KIAA1671: variants seen among roughly 807,000 people sequenced by gnomAD.
KIAA1671 encodes uncharacterized protein KIAA1671.
KIAA1671 carries 52 observed loss-of-function variants against 131.2 expected under a neutral mutation model. That is an observed-to-expected ratio of 0.40 (90% CI 0.32 to 0.50). The LOEUF (loss-of-function observed/expected upper bound fraction) is 0.50, where lower values mean the gene tolerates loss of function less well. Among genes scored for constraint, KIAA1671 ranks in the 20% least tolerant of loss-of-function variants. KIAA1671 has a pLI of 0.73. For missense variants in KIAA1671, 2,360 were observed against 2,364.2 expected, an observed-to-expected ratio of 1.00 and a Z score of 0.04; for synonymous variants, 1,003 against 961.6, an observed-to-expected ratio of 1.04 and a Z score of -0.80.
intron 6 of KIAA1671, among the ~76,000 whole-genome samples, chr22:25,153,373 T>C (rs1431179724): frequency 2.6e-5 from 4 of 152,214 alleles, no homozygotes; most frequent in Non-Finnish European, 5.9e-5. Flanking sequence ...AATGGGGTGC[T>C]ACTGACATTG....
chr22:25,166,679 A>C (rs1408517391), intron 6 of KIAA1671, among the ~76,000 whole-genome samples: 1 of 152,196 alleles, frequency 6.6e-6, no homozygotes, highest in African/African-American at 2.4e-5. Context: ...TGTGCCAGGC[A>C]GTGAGCTTAA....
intron 6 of KIAA1671, among the ~76,000 whole-genome samples, chr22:25,069,213 A>G (rs1012762673): frequency 7.9e-5 from 12 of 152,182 alleles, no homozygotes; most frequent in African/African-American, 2.7e-4. Flanking sequence ...AAACTAAACT[A>G]GATGGTTTGG....
At chr22:24,986,841 C>G (rs577270913) in intron 1 of KIAA1671, among the ~76,000 whole-genome samples, 3 of 152,068 alleles carry the variant, frequency 2.0e-5, no homozygotes, top group African/African-American at 7.2e-5. Flanking sequence ...CTTTCAGGCA[C>G]TAGGGAGCAT....
intron 9 of KIAA1671, among the ~76,000 whole-genome samples, chr22:25,177,960 G>A (rs561944825): frequency 2.6e-5 from 4 of 152,232 alleles, no homozygotes; most frequent in East Asian, 3.9e-4. Flanking sequence ...GGATCCTCCC[G>A]TGGTCCCTGG....
intron 6 of KIAA1671, among the ~76,000 whole-genome samples, chr22:25,137,480 T>A (rs1383317726): frequency 6.6e-6 from 1 of 152,246 alleles, no homozygotes; most frequent in East Asian, 1.9e-4. Context: ...TTTCCCTCAG[T>A]TCGGGAGAAT....
intron 6 of KIAA1671, among the ~76,000 whole-genome samples, chr22:25,099,537 GTTTTTTTGTTT>G (rs1930552775): frequency 3.6e-5 from 4 of 112,138 alleles, no homozygotes; most frequent in Admixed American, 9.5e-5. Flanking sequence ...CAAAATGTGG[GTTTTTTTGTTT>G]TTTTTTTTTT....
At chr22:25,032,240 C>G (rs376326623) in intron 3 of KIAA1671, among the ~76,000 whole-genome samples, 4 of 152,322 alleles carry the variant, frequency 2.6e-5, no homozygotes, top group South Asian at 4.1e-4. Context: ...AACGCCCTCA[C>G]GTAGCTATTA....
chr22:25,141,635 A>C (rs1336646963), intron 6 of KIAA1671, among the ~76,000 whole-genome samples: 1 of 152,160 alleles, frequency 6.6e-6, no homozygotes, highest in Non-Finnish European at 1.5e-5. Context: ...TCAGGGGAAA[A>C]AACCCTAATC....
chr22:25,084,732 T>C (rs1485682035), intron 6 of KIAA1671, among the ~76,000 whole-genome samples: 2 of 152,058 alleles, frequency 1.3e-5, no homozygotes, highest in Non-Finnish European at 2.9e-5. Context: ...CCTCGAACAG[T>C]TGAGTGATAG....
Position 25,080,134 on chromosome 22 carries a change from G to T in KIAA1671, c.4530+30770G>T, listed in dbSNP as rs1929329229. Among the ~76,000 whole-genome samples, 2 of 152,148 alleles carry T rather than the reference G, an allele frequency of 1.3e-5. 1 individual carries two copies. The highest frequency in any genetic ancestry group is 4.1e-4 in the South Asian group (2 of 4,822). On this transcript the variant is annotated intron_variant, in intron 6 of 12. Transcript: ENST00000358431. ...CATTAGGAAAACTGCAGGGTAGAGG[G>T]TCTTGGGGGCAGATCGGGACCCAGG... is the stretch of plus-strand genomic sequence containing the variant.
At chr22:25,170,996 G>A in intron 7 of KIAA1671, 58 bp downstream of exon 7, 2 of 1,327,500 alleles carry the variant, frequency 1.5e-6, no homozygotes, top group Non-Finnish European at 2.1e-6. Flanking sequence ...TGGAGTTGCT[G>A]CAGCCCACCC....
At chr22:25,093,888 C>A in intron 6 of KIAA1671, among the ~76,000 whole-genome samples, 1 of 111,976 alleles carries the variant, frequency 8.9e-6, no homozygotes, top group Admixed American at 9.7e-5. Flanking sequence ...CTCTCTCTCC[C>A]TTCTGCTTCT....
intron 9 of KIAA1671, chr22:25,179,331 T>C: frequency 1.3e-6 from 2 of 1,591,534 alleles, no homozygotes; most frequent in East Asian, 2.3e-5. Flanking sequence ...CTCCTCTCGC[T>C]GCTCCTTGTT....
At chr22:25,061,872 A>G (rs143114122) in intron 6 of KIAA1671, 390 of 152,406 alleles carry the variant, frequency 2.6e-3, no homozygotes, top group African/African-American at 8.9e-3. Flanking sequence ...AAGACCTTCT[A>G]GCTTGCTTCT....
intron 1 of KIAA1671, among the ~76,000 whole-genome samples, chr22:24,966,427 C>T (rs1190121092): frequency 2.0e-5 from 3 of 152,328 alleles, no homozygotes; most frequent in Middle Eastern, 3.4e-3. Flanking sequence ...AGGCACTGCC[C>T]GCTCAGCCTT....
At chr22:25,016,385 C>G (rs968028035) in intron 1 of KIAA1671, among the ~76,000 whole-genome samples, 1 of 152,186 alleles carries the variant, frequency 6.6e-6, no homozygotes, top group African/African-American at 2.4e-5. Flanking sequence ...AAGTTGTTCT[C>G]CCTCCGGGGA....
chr22:24,996,627 G>A lies in KIAA1671; in HGVS notation c.-207-29006G>A, dbSNP rs193008664. Among the ~76,000 whole-genome samples, 462 of 152,246 alleles carry A rather than the reference G, an allele frequency of 3.0e-3. 2 individuals carry two copies. The highest frequency in any genetic ancestry group is 0.011 in the African/African-American group (443 of 41,560). ...GACAGGATAATAGGGCAGGGGAGGG[G>A]ACATTTGGCCTCAGTCTGATCCCCT... is the stretch of plus-strand genomic sequence containing the variant. On this transcript the variant is annotated intron_variant, in intron 1 of 12. Coordinates refer to ENST00000358431, the MANE Select transcript of KIAA1671 (RefSeq NM_001145206.2).
At chr22:25,186,386 A>G (rs1431546648) in intron 11 of KIAA1671, 2 of 152,250 alleles carry the variant, frequency 1.3e-5, no homozygotes, top group Non-Finnish European at 1.5e-5. Flanking sequence ...TGATTGCACC[A>G]TTGCACTCCA....
intron 9 of KIAA1671, among the ~76,000 whole-genome samples, chr22:25,179,721 CAG>C (rs1555885319): frequency 6.6e-6 from 1 of 152,218 alleles, no homozygotes; most frequent in Non-Finnish European, 1.5e-5. Context: ...TTACAAGAGA[CAG>C]AGACATAGCT....
Sources: gnomAD v4.1 joint callset for allele counts (sites outside exome capture counted in the v4.1 genomes callset) on GRCh38, gnomAD v4.1.1 for gene constraint, MANE v1.5 for transcripts, NCBI Gene and HGNC (gene_info 2026-07-23, HGNC 2026-07-21) for gene names.